The following ATP2B4 variants were observed in gnomAD, a reference collection of about 807,000 sequenced individuals.
The protein encoded by ATP2B4 is ATPase plasma membrane Ca2+ transporting 4.
ATP2B4 carries 39 observed loss-of-function variants against 110.3 expected under a neutral mutation model. The ratio of observed to expected loss-of-function variants is 0.35; its 90% CI spans 0.27 to 0.46. The LOEUF (loss-of-function observed/expected upper bound fraction) is 0.46, where lower values mean the gene tolerates loss of function less well. Among genes scored for constraint, ATP2B4 ranks in the 20% least tolerant of loss-of-function variants. ATP2B4 has a pLI of 1.00. For missense variants in ATP2B4, 1,135 were observed against 1,530.9 expected (o/e 0.74, Z 4.32); for synonymous variants, 538 against 571.7 (o/e 0.94, Z 0.84).
At chr1:203,670,425 T>A (rs1259572862) in intron 1 of ATP2B4, among the ~76,000 whole-genome samples, 1 of 152,228 alleles carries the variant, frequency 6.6e-6, no homozygotes, top group Non-Finnish European at 1.5e-5. Context: ...GTGACCCACC[T>A]GCCTTGGCCT....
intron 2 of ATP2B4, among the ~76,000 whole-genome samples, chr1:203,683,777 C>A (rs4951370): frequency 9.9e-4 from 149 of 150,588 alleles, no homozygotes; most frequent in African/African-American, 3.4e-3. Flanking sequence ...GGGCTGAAGC[C>A]ATCTTCCTAC....
At chr1:203,644,041 G>A (rs886538150) in intron 1 of ATP2B4, among the ~76,000 whole-genome samples, 9 of 152,088 alleles carry the variant, frequency 5.9e-5, no homozygotes, top group African/African-American at 2.2e-4. Context: ...CCTAACATTA[G>A]GGGTTCGAGG....
At chr1:203,683,666 C>CTTTTTTTTTTTTTTT (rs11326748) in intron 2 of ATP2B4, among the ~76,000 whole-genome samples, 85 of 77,692 alleles carry the variant, frequency 1.1e-3, no homozygotes, top group African/African-American at 1.8e-3. Context: ...TCTTTTGTTT[C>CTTTTTTTTTTTTTTT]TTTTTTTTTT....
chr1:203,676,176 C>T (rs986489222), intron 1 of ATP2B4, among the ~76,000 whole-genome samples: 2 of 152,200 alleles, frequency 1.3e-5, no homozygotes, highest in Admixed American at 1.3e-4. Flanking sequence ...TTAGCCAACA[C>T]CTGCTGCCTC....
chr1:203,722,770 T>G, intron 18 of ATP2B4, 81 bp downstream of exon 18: 1 of 1,330,842 alleles, frequency 7.5e-7, no homozygotes, highest in Middle Eastern at 1.9e-4. Context: ...CCTACATACC[T>G]AGGAAAAGGA....
chr1:203,722,765 A>G (rs1393706188), intron 18 of ATP2B4, 76 bp downstream of exon 18: 8 of 1,384,560 alleles, frequency 5.8e-6, no homozygotes, highest in Admixed American at 2.0e-5. Flanking sequence ...GGTTCCCTAC[A>G]TACCTAGGAA....
chr1:203,698,305 C>A lies in ATP2B4; in HGVS notation c.342C>A (p.Ile114=). The change falls in exon 3 of 21, where the codon ATC becomes ATA. Residue 114 remains isoleucine (I), a synonymous_variant. Coordinates refer to ENST00000357681, the MANE Select transcript of ATP2B4 (RefSeq NM_001684.5). ...TTATCATCCTGGAGATTGCAGCCAT[C>A]ATCTCCCTGGTCCTGTCCTTTTATC... The part of the protein sequence containing the change: ...VTLIILEIAA[I]ISLVLSFYRP... 6.2e-7 allele frequency: 1 copy of A among 1,614,162 alleles called. No homozygotes were observed. Among genetic ancestry groups the A allele is most frequent in the Non-Finnish European group, 8.5e-7 (1 of 1,180,038 alleles).
chr1:203,629,942 C>T lies in ATP2B4; in HGVS notation c.-465+2723C>T, dbSNP rs1251735293. On this transcript the variant is annotated intron_variant, in intron 1 of 20. Coordinates refer to ENST00000357681, the MANE Select transcript of ATP2B4 (RefSeq NM_001684.5). The surrounding 1 kb of genome is among the most constrained non-coding windows in gnomAD (Gnocchi z 4.6). ...GGGGGCCTTGGAATCAGCCTGACGC[C>T]AGCGAGTTCCTAACCCGCCGTCTGG... Among the ~76,000 whole-genome samples, 2 of 152,156 alleles carry T rather than the reference C, an allele frequency of 1.3e-5. No homozygotes were observed. Among genetic ancestry groups the T allele is most frequent in the African/African-American group, 4.8e-5 (2 of 41,430 alleles).
chr1:203,728,106 G>A (rs1008807814), intron 20 of ATP2B4: 1 of 421,898 alleles, frequency 2.4e-6, no homozygotes, highest in Non-Finnish European at 4.9e-6. Flanking sequence ...TGGGGAATCT[G>A]ATGGTTTCAT....
chr1:203,736,539 G>A (rs781695379), intron 20 of ATP2B4, among the ~76,000 whole-genome samples: 5 of 151,742 alleles, frequency 3.3e-5, no homozygotes, highest in Non-Finnish European at 7.4e-5. Flanking sequence ...TCATTGAGCT[G>A]CAGAGAGTAG....
chr1:203,709,555 G>A lies in ATP2B4; in HGVS notation c.1799+13G>A, dbSNP rs769455082. 2.3e-5 allele frequency: 37 copies of A among 1,613,652 alleles called. No homozygotes were observed. Among genetic ancestry groups the A allele is most frequent in the Admixed American group, 1.2e-4 (7 of 59,998 alleles). The stretch of plus-strand genomic sequence containing the variant: ...TCATCTTGCGCAAGTGAGCACCCCC[G>A]ACCACTCTGCTTCCCTTCAAGATCC... On this transcript the variant is annotated intron_variant, in intron 11 of 20. Coordinates refer to ENST00000357681, the MANE Select transcript of ATP2B4 (RefSeq NM_001684.5).
At chr1:203,718,191 T>A (rs1293693205) in intron 15 of ATP2B4, among the ~76,000 whole-genome samples, 1 of 152,128 alleles carries the variant, frequency 6.6e-6, no homozygotes, top group East Asian at 1.9e-4. Flanking sequence ...ACATATTTTT[T>A]ATTCCACTTT....
intron 15 of ATP2B4, among the ~76,000 whole-genome samples, chr1:203,715,390 T>C (rs1488518899): frequency 7.0e-6 from 1 of 142,496 alleles, no homozygotes; most frequent in African/African-American, 2.6e-5. Context: ...CCAGCTCTAC[T>C]AAAAATACAA....
intron 15 of ATP2B4, among the ~76,000 whole-genome samples, chr1:203,715,885 T>C (rs79368402): frequency 0.03 from 4,321 of 144,782 alleles, 591 homozygotes; most frequent in African/African-American, 0.097. Context: ...GTAGCTGTAC[T>C]AGCTGTATAG....
At chr1:203,724,466 G>A (rs143279754) in intron 19 of ATP2B4, among the ~76,000 whole-genome samples, 2,008 of 151,830 alleles carry the variant, frequency 0.013, 20 homozygotes, top group Non-Finnish European at 0.021. Context: ...GCAGTGAGCC[G>A]AGATTGCGCC....
chr1:203,739,711 G>A lies in ATP2B4; in HGVS notation c.3475G>A (p.Ala1159Thr), dbSNP rs1023983651. The A allele has an allele frequency of 2.5e-6, 4 of 1,614,130 alleles. No individual in the cohort carries two copies. Among genetic ancestry groups the A allele is most frequent in the Non-Finnish European group, 3.4e-6 (4 of 1,180,022 alleles). The part of the protein sequence containing the change: ...DEEEEENPDK[A>T]SKFGTRVLLL... ...GGAAGAGGAGGAAAATCCTGACAAG[G>A]CTTCTAAGTTTGGGACTAGGGTGCT... is the stretch of plus-strand genomic sequence containing the variant. Residue 1159 changes from alanine (A) to threonine (T), a missense_variant, in exon 21 of 21, where the codon GCT becomes ACT. Transcript: ENST00000357681.
chr1:203,733,363 C>T, intron 20 of ATP2B4: 1 of 1,614,026 alleles, frequency 6.2e-7, no homozygotes, highest in South Asian at 1.1e-5. Context: ...CTTCCCCCAC[C>T]ACTTCTGTTC....
chr1:203,663,632 G>A (rs1183096808), intron 1 of ATP2B4, among the ~76,000 whole-genome samples: 5 of 148,370 alleles, frequency 3.4e-5, no homozygotes, highest in Non-Finnish European at 7.4e-5. Flanking sequence ...TTTAAGCAAG[G>A]TCTTGCTCTG....
intron 20 of ATP2B4, 67 bp downstream of exon 20, chr1:203,727,638 G>A (rs908610286): frequency 1.3e-6 from 2 of 1,585,112 alleles, no homozygotes; most frequent in African/African-American, 2.7e-5. Flanking sequence ...GTGTTGGGAG[G>A]GTAGCAGTTC....
Sources: allele counts gnomAD v4.1 joint callset (sites outside exome capture counted in the v4.1 genomes callset), GRCh38; gene constraint gnomAD v4.1.1; non-coding constraint Gnocchi (gnomAD v3.1); transcripts MANE v1.5; gene names NCBI Gene and HGNC (gene_info 2026-07-23, HGNC 2026-07-21).